ROBO1: variants seen among roughly 807,000 people sequenced by gnomAD.
ROBO1 encodes roundabout homolog 1.
In ROBO1, 149 loss-of-function variants were observed where a neutral mutation model predicts 195.9. The ratio of observed to expected loss-of-function variants is 0.76; its 90% confidence interval spans 0.67 to 0.87. The LOEUF (loss-of-function observed/expected upper bound fraction) is 0.87. Among genes scored for constraint, ROBO1 ranks in the 40% least tolerant of loss-of-function variants. The pLI, the probability that ROBO1 is intolerant of heterozygous loss-of-function variation, is 0.00. For missense variants in ROBO1, 1,933 were observed against 2,068.3 expected, an observed-to-expected ratio of 0.93 and a Z score of 1.27; for synonymous variants, 816 against 733.2, an observed-to-expected ratio of 1.11 and a Z score of -1.82.
chr3:79,105,291 G>C (rs1027195226), intron 3 of ROBO1, among the ~76,000 whole-genome samples: 1 of 151,738 alleles, frequency 6.6e-6, no homozygotes, highest in African/African-American at 2.4e-5. Context: ...GTAAGGGCAA[G>C]ATGAACAAAG....
intron 2 of ROBO1, among the ~76,000 whole-genome samples, chr3:79,136,790 T>A (rs1044751167): frequency 1.3e-5 from 2 of 151,960 alleles, no homozygotes; most frequent in African/African-American, 4.8e-5. Context: ...TTTTTTGAAC[T>A]GGGAATAAGG....
At chr3:79,125,012 A>G (rs1447798663) in intron 3 of ROBO1, among the ~76,000 whole-genome samples, 1 of 152,170 alleles carries the variant, frequency 6.6e-6, no homozygotes, top group Non-Finnish European at 1.5e-5. Context: ...GTTATGAATT[A>G]CATCGCTCTA....
intron 1 of ROBO1, among the ~76,000 whole-genome samples, chr3:79,693,994 G>A (rs563095839): frequency 4.6e-5 from 7 of 151,292 alleles, no homozygotes; most frequent in Admixed American, 3.3e-4. Context: ...TAGAATTTAC[G>A]TGTTAACTTA....
chr3:79,164,242 C>T (rs1369157483), intron 2 of ROBO1, among the ~76,000 whole-genome samples: 1 of 152,156 alleles, frequency 6.6e-6, no homozygotes, highest in African/African-American at 2.4e-5. Flanking sequence ...AGAGTCCCTA[C>T]ATAGTCTCTA....
At chr3:79,625,183 G>C (rs1289737247) in intron 1 of ROBO1, among the ~76,000 whole-genome samples, 1 of 151,664 alleles carries the variant, frequency 6.6e-6, no homozygotes, top group East Asian at 1.9e-4. Context: ...CAGAATCTCT[G>C]GTACACAGTT....
chr3:79,186,943 C>A (rs1481834389), intron 2 of ROBO1, among the ~76,000 whole-genome samples: 1 of 152,024 alleles, frequency 6.6e-6, no homozygotes, highest in African/African-American at 2.4e-5. Context: ...AGCTTTACTG[C>A]AGAAATGCAT....
chr3:78,781,985 T>C (rs1023659873), intron 4 of ROBO1, among the ~76,000 whole-genome samples: 1 of 152,102 alleles, frequency 6.6e-6, no homozygotes, highest in African/African-American at 2.4e-5. Flanking sequence ...AAGCAGCTCA[T>C]TATCTTTCAC....
intron 2 of ROBO1, among the ~76,000 whole-genome samples, chr3:79,210,812 T>A (rs1284528944): frequency 6.6e-6 from 1 of 152,132 alleles, no homozygotes; most frequent in South Asian, 2.1e-4. Flanking sequence ...TGAAAATGAA[T>A]TATTTCTGTG....
intron 19 of ROBO1, among the ~76,000 whole-genome samples, chr3:78,650,366 A>G (rs1706569659): frequency 6.6e-6 from 1 of 152,166 alleles, no homozygotes. Context: ...TAAGGATGAT[A>G]ATGCTAAAGC....
chr3:78,711,452 C>T (rs150318392), intron 8 of ROBO1, among the ~76,000 whole-genome samples: 13,572 of 89,618 alleles, frequency 0.15, 2,037 homozygotes, highest in African/African-American at 0.23. Flanking sequence ...TCCTTCCTTC[C>T]TTCCTTCCTT....
At chr3:79,483,060 C>A (rs1341984663) in intron 2 of ROBO1, among the ~76,000 whole-genome samples, 1 of 152,214 alleles carries the variant, frequency 6.6e-6, no homozygotes, top group Non-Finnish European at 1.5e-5. Context: ...CTCCACCCTG[C>A]TCTGTCCACT....
intron 2 of ROBO1, among the ~76,000 whole-genome samples, chr3:79,341,236 G>C (rs979831641): frequency 6.6e-6 from 1 of 152,040 alleles, no homozygotes; most frequent in Admixed American, 6.6e-5. Flanking sequence ...TGCTTCACAG[G>C]CTCAGGAAAT....
chr3:78,813,269 TG>T (rs2084799497), intron 4 of ROBO1, among the ~76,000 whole-genome samples: 1 of 151,788 alleles, frequency 6.6e-6, no homozygotes, highest in Admixed American at 6.6e-5. Flanking sequence ...CACACCACTT[TG>T]ATAACAAAAT....
intron 2 of ROBO1, among the ~76,000 whole-genome samples, chr3:79,459,637 T>C (rs975653171): frequency 1.3e-5 from 2 of 152,114 alleles, no homozygotes; most frequent in Admixed American, 1.3e-4. Context: ...AATAGAAGTC[T>C]ATATTCAGTA....
intron 2 of ROBO1, among the ~76,000 whole-genome samples, chr3:79,519,295 G>A (rs964247138): frequency 5.3e-5 from 8 of 151,870 alleles, no homozygotes; most frequent in African/African-American, 1.7e-4. Context: ...AGCATGTCAC[G>A]TGGCCAAACC....
At chr3:79,311,917 A>T in intron 2 of ROBO1, among the ~76,000 whole-genome samples, 1 of 152,158 alleles carries the variant, frequency 6.6e-6, no homozygotes, top group East Asian at 1.9e-4. Flanking sequence ...AAAAGTGTCT[A>T]CAGGTCTCTA....
At chr3:79,163,634 CATTTTGA>C (rs1436848082) in intron 2 of ROBO1, among the ~76,000 whole-genome samples, 1 of 152,026 alleles carries the variant, frequency 6.6e-6, no homozygotes, top group East Asian at 1.9e-4. Context: ...TATCATTTTA[CATTTTGA>C]ACAGTGCACA....
intron 8 of ROBO1, chr3:78,693,268 G>GGTAT (rs1553704187): frequency 3.3e-6 from 5 of 1,537,428 alleles, no homozygotes; most frequent in Non-Finnish European, 4.4e-6. Context: ...GACATGGAAG[G>GGTAT]GTATGGATGG....
chr3:79,511,209 A>C (rs527481958), intron 2 of ROBO1, among the ~76,000 whole-genome samples: 2 of 152,286 alleles, frequency 1.3e-5, no homozygotes. Flanking sequence ...ACAAAAACTT[A>C]AGTTAGAAAT....
Sources: gnomAD v4.1 joint callset for allele counts (sites outside exome capture counted in the v4.1 genomes callset) on GRCh38, gnomAD v4.1.1 for gene constraint, MANE v1.5 for transcripts, NCBI Gene and HGNC (gene_info 2026-07-23, HGNC 2026-07-21) for gene names.